Variants in SATL1 observed in about 807,000 individuals in gnomAD.
SATL1 encodes the protein spermidine/spermine N1-acetyl transferase like 1, also known as spermidine/spermine N(1)-acetyltransferase-like protein 1.
Under a neutral mutation model 51.8 loss-of-function variants are expected in SATL1, and 47 were observed. The ratio of observed to expected loss-of-function variants is 0.91; its 90% CI spans 0.72 to 1.16. The LOEUF (loss-of-function observed/expected upper bound fraction) is 1.16, where lower values mean the gene tolerates loss of function less well. Ranked by LOEUF, SATL1 falls within the 50% of genes most tolerant of loss-of-function variation. SATL1 has a pLI of 0.00. For synonymous variants in SATL1, 176 were observed against 182.4 expected, an observed-to-expected ratio of 0.97 and a Z score of 0.28; for missense variants, 520 against 526.4, an observed-to-expected ratio of 0.99 and a Z score of 0.12.
chrX:85,200,462 A>G (rs1266401691), intron 2 of SATL1, among the ~76,000 whole-genome samples: 3 of 112,072 alleles, frequency 2.7e-5, no homozygotes, highest in African/African-American at 9.7e-5. Context: ...TGAGGCAGAC[A>G]TTGTTATTAT....
At chrX:85,125,556 G>C (rs183784570) in intron 2 of SATL1, among the ~76,000 whole-genome samples, 1 of 106,327 alleles carries the variant, frequency 9.4e-6, no homozygotes. Context: ...GTAAGAGACA[G>C]AGAAGAATGA....
chrX:85,094,940 C>T lies in SATL1; in HGVS notation c.1750G>A (p.Val584Ile), dbSNP rs766972748. The change falls in exon 5 of 8, where the codon GTA (valine) becomes ATA (isoleucine). Residue 584 changes from valine (V) to isoleucine (I), a missense_variant. Coordinates refer to ENST00000644105, the MANE Select transcript of SATL1 (RefSeq NM_001367857.2). ...CCTGATGGTTTTTGTTGATCGTTTA[C>T]TTCTGCAATCAGGCAGTAGAAAAGG... The part of the protein sequence containing the change: ...NPLFYCLIAE[V>I]NDQQKPSGKL... The T allele has an allele frequency of 8.4e-7, 1 of 1,186,501 alleles. No homozygotes were observed. Among genetic ancestry groups the T allele is most frequent in the Non-Finnish European group, 1.1e-6 (1 of 874,668 alleles).
At chrX:85,164,614 T>A (rs1402028055) in intron 2 of SATL1, among the ~76,000 whole-genome samples, 1 of 111,679 alleles carries the variant, frequency 9.0e-6, no homozygotes, top group Non-Finnish European at 1.9e-5. Context: ...CTGCTGCTAA[T>A]CTGATAGGGT....
At chrX:85,121,028 A>G (rs1235908234) in intron 2 of SATL1, among the ~76,000 whole-genome samples, 1 of 110,965 alleles carries the variant, frequency 9.0e-6, no homozygotes, top group Non-Finnish European at 1.9e-5. Context: ...GCAAAACATA[A>G]CAAACATAAA....
chrX:85,214,702 C>G (rs1270755741), intron 2 of SATL1, among the ~76,000 whole-genome samples: 1 of 111,761 alleles, frequency 8.9e-6, no homozygotes, highest in Non-Finnish European at 1.9e-5. Flanking sequence ...CTCCAAGGCA[C>G]AATGGTGGTA....
At chrX:85,094,090 A>G (rs772594061) in intron 6 of SATL1, 38 bp downstream of exon 6, 4 of 721,344 alleles carry the variant, frequency 5.5e-6, no homozygotes, top group Non-Finnish European at 8.7e-6. Context: ...TTTAATTTTT[A>G]AAGTATTTAA....
At chrX:85,147,368 C>T (rs1206478732) in intron 2 of SATL1, among the ~76,000 whole-genome samples, 1 of 113,063 alleles carries the variant, frequency 8.8e-6, no homozygotes, top group Non-Finnish European at 1.9e-5. Flanking sequence ...CTGCCTGACT[C>T]TGTAGGCTCC....
intron 4 of SATL1, among the ~76,000 whole-genome samples, chrX:85,099,633 A>AG (rs1020038375): frequency 8.9e-6 from 1 of 111,822 alleles, no homozygotes; most frequent in Non-Finnish European, 1.9e-5. Context: ...AATGAAACAA[A>AG]GGGGGAAAAA....
At chrX:85,192,758 G>A (rs781302066) in intron 2 of SATL1, among the ~76,000 whole-genome samples, 1 of 111,634 alleles carries the variant, frequency 9.0e-6, no homozygotes, top group Non-Finnish European at 1.9e-5. Context: ...TTTAAAGGCA[G>A]AAACTGTGTC....
At chrX:85,097,795 A>C (rs1924774776) in intron 4 of SATL1, among the ~76,000 whole-genome samples, 1 of 112,380 alleles carries the variant, frequency 8.9e-6, no homozygotes. Flanking sequence ...ACCATCAAAT[A>C]TAATCCCCAT....
chrX:85,191,375 C>CT (rs1345611741), intron 2 of SATL1, among the ~76,000 whole-genome samples: 2 of 110,894 alleles, frequency 1.8e-5, no homozygotes, highest in Admixed American at 9.7e-5. Flanking sequence ...ATTATCATTT[C>CT]TTTTTTTTCC....
chrX:85,167,769 G>A (rs1359460386), intron 2 of SATL1, among the ~76,000 whole-genome samples: 1 of 110,696 alleles, frequency 9.0e-6, no homozygotes, highest in Non-Finnish European at 1.9e-5. Flanking sequence ...GAGGAAGAGG[G>A]ACTCATTCTA....
chrX:85,229,725 T>C (rs1338263426), intron 1 of SATL1, among the ~76,000 whole-genome samples: 1 of 111,584 alleles, frequency 9.0e-6, no homozygotes, highest in Non-Finnish European at 1.9e-5. Flanking sequence ...TTTGAACTAA[T>C]AAACTGATTC....
At chrX:85,130,631 T>C (rs940288124) in intron 2 of SATL1, among the ~76,000 whole-genome samples, 5 of 111,884 alleles carry the variant, frequency 4.5e-5, no homozygotes, top group African/African-American at 1.6e-4. Flanking sequence ...AAGGTTTTTT[T>C]GTGTCTCTAT....
intron 2 of SATL1, among the ~76,000 whole-genome samples, chrX:85,187,885 G>A (rs187074556): frequency 2.4e-4 from 26 of 110,472 alleles, no homozygotes; most frequent in African/African-American, 7.9e-4. Context: ...TTGGGGAATA[G>A]TTTGAGAAGA....
intron 4 of SATL1, among the ~76,000 whole-genome samples, chrX:85,099,433 G>C (rs1602826725): frequency 1.8e-5 from 2 of 111,398 alleles, no homozygotes; most frequent in Non-Finnish European, 3.8e-5. Flanking sequence ...TGATTCCAAA[G>C]GCAGTCAAAG....
intron 2 of SATL1, among the ~76,000 whole-genome samples, chrX:85,184,522 A>AT (rs1354074404): frequency 2.7e-5 from 3 of 110,649 alleles, no homozygotes; most frequent in Non-Finnish European, 5.7e-5. Flanking sequence ...TTTTCTATTC[A>AT]TTTTTTATCT....
chrX:85,173,727 A>G (rs1390772926), intron 2 of SATL1, among the ~76,000 whole-genome samples: 1 of 108,101 alleles, frequency 9.3e-6, no homozygotes, highest in Non-Finnish European at 1.9e-5. Context: ...TTTGATCTAT[A>G]TGTCCTATGT....
intron 2 of SATL1, among the ~76,000 whole-genome samples, chrX:85,151,181 C>T (rs1006568274): frequency 1.8e-5 from 2 of 109,448 alleles, no homozygotes; most frequent in African/African-American, 6.7e-5. Context: ...AACAGACAAA[C>T]GGAGAGCCAA....
Sources: gnomAD v4.1 joint callset for allele counts (sites outside exome capture counted in the v4.1 genomes callset) on GRCh38, gnomAD v4.1.1 for gene constraint, MANE v1.5 for transcripts, NCBI Gene and HGNC (gene_info 2026-07-23, HGNC 2026-07-21) for gene names.